GABRB1: variants seen among roughly 807,000 people sequenced by gnomAD.
GABRB1 encodes the protein gamma-aminobutyric acid receptor subunit beta-1.
In GABRB1, 17 loss-of-function variants were observed where a neutral mutation model predicts 51.6. The ratio of observed to expected loss-of-function variants is 0.33; its 90% confidence interval spans 0.23 to 0.49. The LOEUF is 0.49. Among genes scored for constraint, GABRB1 ranks in the 20% least tolerant of loss-of-function variants. The probability of loss-of-function intolerance (pLI) is 0.99; values close to 1 mark genes in which losing one functional copy is unlikely to be tolerated. For missense variants in GABRB1, 410 were observed against 600.6 expected, an observed-to-expected ratio of 0.68 and a Z score of 3.32; for synonymous variants, 247 against 218.9, an observed-to-expected ratio of 1.13 and a Z score of -1.14.
intron 5 of GABRB1, among the ~76,000 whole-genome samples, chr4:47,349,161 T>C (rs567803559): frequency 8.9e-4 from 135 of 152,268 alleles, no homozygotes; most frequent in Admixed American, 2.0e-3. Context: ...GAGGTCTGCC[T>C]TGAAGATATA....
At chr4:47,080,565 T>TA (rs982139473) in intron 3 of GABRB1, among the ~76,000 whole-genome samples, 13 of 151,652 alleles carry the variant, frequency 8.6e-5, no homozygotes, top group African/African-American at 2.4e-4. Flanking sequence ...TCTTTTTTTT[T>TA]AAAAAAAATT....
intron 3 of GABRB1, among the ~76,000 whole-genome samples, chr4:47,093,956 G>A (rs1048947193): frequency 5.9e-5 from 9 of 151,736 alleles, no homozygotes; most frequent in African/African-American, 2.2e-4. Flanking sequence ...TACCTTAGTA[G>A]GAAGCTATTG....
At chr4:47,067,808 C>T (rs531941447) in intron 3 of GABRB1, among the ~76,000 whole-genome samples, 58 of 151,850 alleles carry the variant, frequency 3.8e-4, no homozygotes, top group Non-Finnish European at 7.9e-4. Context: ...TGGTTTGCTG[C>T]GCAGATCAAC....
chr4:47,296,657 A>G (rs866619441), intron 4 of GABRB1, among the ~76,000 whole-genome samples: 3 of 152,282 alleles, frequency 2.0e-5, no homozygotes, highest in South Asian at 2.1e-4. Context: ...CACAATAATA[A>G]TGGGAGACTT....
rs1276458838 is a variant in GABRB1, at chr4:47,122,512, G to A, written c.241-38737G>A. Among the ~76,000 whole-genome samples the A allele has an allele frequency of 2.0e-5, 3 of 152,072 alleles. No homozygotes were observed. The East Asian group carries it at 5.8e-4, about 29-fold the overall frequency. ...GTAAAAGGTAATTCTAACATATCAT[G>A]GAAGCACCAACTTCAGAAAGCAGGT... On this transcript the variant is annotated intron_variant, in intron 3 of 8. Coordinates refer to ENST00000295454, the MANE Select transcript of GABRB1 (RefSeq NM_000812.4).
chr4:47,149,656 T>A (rs1401018708), intron 3 of GABRB1, among the ~76,000 whole-genome samples: 1 of 152,016 alleles, frequency 6.6e-6, no homozygotes, highest in Non-Finnish European at 1.5e-5. Context: ...CCAGTCTATA[T>A]CCTTAATTCA....
chr4:47,320,401 C>G (rs1260604324), intron 5 of GABRB1, among the ~76,000 whole-genome samples, 192 bp downstream of exon 5: 2 of 152,194 alleles, frequency 1.3e-5, no homozygotes, highest in African/African-American at 4.8e-5. Flanking sequence ...GGAAAGTTCA[C>G]TTATTTTAGC....
rs1728624308 is a variant in GABRB1 at position 47,407,738 on chromosome 4, G to T, written c.1080+812G>T. Among the ~76,000 whole-genome samples, 5 of 152,106 alleles carry T rather than the reference G, an allele frequency of 3.3e-5. No individual in the cohort carries two copies. In the South Asian group the frequency reaches 1.0e-3, roughly 32 times the overall value. On this transcript the variant is annotated intron_variant, in intron 8 of 8. Transcript: ENST00000295454. The stretch of plus-strand genomic sequence containing the variant: ...AATTCCTCACCCTCATGGAGCTTAG[G>T]TTCTAACATGAGAAGATAAGCAATA...
chr4:47,093,856 A>G (rs988469811), intron 3 of GABRB1, among the ~76,000 whole-genome samples: 1 of 152,218 alleles, frequency 6.6e-6, no homozygotes, highest in Non-Finnish European at 1.5e-5. Context: ...AAAATTCCCT[A>G]TTGGTAATAA....
At chr4:47,162,581 G>A (rs1368125678) in intron 4 of GABRB1, among the ~76,000 whole-genome samples, 1 of 152,020 alleles carries the variant, frequency 6.6e-6, no homozygotes, top group African/African-American at 2.4e-5. Context: ...GAAAATATTT[G>A]AGAATCATGA....
chr4:47,132,475 A>AGAT (rs1716469204), intron 3 of GABRB1, among the ~76,000 whole-genome samples: 1 of 152,014 alleles, frequency 6.6e-6, no homozygotes. Flanking sequence ...AAGCTTTAAG[A>AGAT]GATATTTTTA....
intron 4 of GABRB1, among the ~76,000 whole-genome samples, chr4:47,210,289 A>G (rs1029753117): frequency 6.6e-5 from 10 of 152,284 alleles, no homozygotes; most frequent in African/African-American, 1.7e-4. Context: ...CTTATAGCTT[A>G]TACACTCACT....
chr4:47,336,165 A>C (rs1725690211), intron 5 of GABRB1, among the ~76,000 whole-genome samples: 1 of 152,192 alleles, frequency 6.6e-6, no homozygotes, highest in Admixed American at 6.5e-5. Flanking sequence ...AAGTGGAGAT[A>C]TCAAGTGAAA....
chr4:47,195,405 TAG>T (rs1719616628), intron 4 of GABRB1, among the ~76,000 whole-genome samples: 7 of 49,380 alleles, frequency 1.4e-4, no homozygotes, highest in Admixed American at 2.0e-4. Context: ...GATAGATAGA[TAG>T]ATAGATAGAT....
At chr4:47,114,143 A>G (rs760118236) in intron 3 of GABRB1, among the ~76,000 whole-genome samples, 1 of 152,150 alleles carries the variant, frequency 6.6e-6, no homozygotes, top group Non-Finnish European at 1.5e-5. Flanking sequence ...CCGACCATCT[A>G]CTTTTTCTCA....
intron 3 of GABRB1, among the ~76,000 whole-genome samples, chr4:47,135,032 A>T (rs761211456): frequency 4.6e-5 from 7 of 152,188 alleles, no homozygotes; most frequent in Non-Finnish European, 8.8e-5. Context: ...GTCTCACTTG[A>T]TCCCAGGAGT....
chr4:47,126,032 A>ATG (rs1716124645), intron 3 of GABRB1, among the ~76,000 whole-genome samples: 1 of 151,600 alleles, frequency 6.6e-6, no homozygotes, highest in African/African-American at 2.4e-5. Flanking sequence ...ATATATACAC[A>ATG]CATATATATG....
chr4:47,203,560 A>C (rs1330678668), intron 4 of GABRB1, among the ~76,000 whole-genome samples: 1 of 152,120 alleles, frequency 6.6e-6, no homozygotes, highest in Non-Finnish European at 1.5e-5. Flanking sequence ...GGAGACATAA[A>C]GAGGATAGAA....
chr4:47,119,196 T>C (rs1481339966), intron 3 of GABRB1, among the ~76,000 whole-genome samples: 1 of 152,160 alleles, frequency 6.6e-6, no homozygotes, highest in Non-Finnish European at 1.5e-5. Context: ...GAAGATTGAC[T>C]GTTTAATAAA....
Sources: gnomAD v4.1 joint callset for allele counts (sites outside exome capture counted in the v4.1 genomes callset) on GRCh38, gnomAD v4.1.1 for gene constraint, MANE v1.5 for transcripts, NCBI Gene and HGNC (gene_info 2026-07-23, HGNC 2026-07-21) for gene names.